SMAD9: variants seen among roughly 807,000 people sequenced by gnomAD.
SMAD9 encodes the protein MAD homolog 9.
A neutral mutation model predicts 46.1 loss-of-function variants in SMAD9; 36 were observed. That is an observed-to-expected ratio of 0.78 (90% CI 0.60 to 1.03). SMAD9 has a LOEUF of 1.03. Among genes scored for constraint, SMAD9 ranks in the 50% least tolerant of loss-of-function variants. The probability of loss-of-function intolerance (pLI) is 0.00; values close to 1 mark genes in which losing one functional copy is unlikely to be tolerated. For missense variants in SMAD9, 572 were observed against 599.8 expected (o/e 0.95, Z 0.48); for synonymous variants, 245 against 237.1 (o/e 1.03, Z -0.31).
chr13:36,907,389 C>T (rs2058627888), intron 1 of SMAD9, among the ~76,000 whole-genome samples: 1 of 152,152 alleles, frequency 6.6e-6, no homozygotes, highest in Non-Finnish European at 1.5e-5. Flanking sequence ...GAAAATGAGG[C>T]CATGTGCGGT....
intron 1 of SMAD9, among the ~76,000 whole-genome samples, chr13:36,912,553 T>G (rs1436691424): frequency 6.6e-6 from 1 of 152,108 alleles, no homozygotes; most frequent in East Asian, 1.9e-4. Context: ...AAGGGTTGGG[T>G]GGGGTTTCCT....
At chr13:36,856,404 C>T (rs1302267169) in intron 5 of SMAD9, among the ~76,000 whole-genome samples, 1 of 152,156 alleles carries the variant, frequency 6.6e-6, no homozygotes, top group Non-Finnish European at 1.5e-5. Flanking sequence ...CATCTGCAAC[C>T]ACAGTCCACT....
intron 1 of SMAD9, among the ~76,000 whole-genome samples, chr13:36,887,210 AGATC>A (rs2058453775): frequency 7.4e-6 from 1 of 135,978 alleles, no homozygotes; most frequent in South Asian, 2.4e-4. Context: ...TGATCTGACT[AGATC>A]TTTTTTTTTT....
intron 1 of SMAD9, among the ~76,000 whole-genome samples, chr13:36,910,729 A>G (rs1438771508): frequency 1.3e-5 from 2 of 152,228 alleles, no homozygotes; most frequent in East Asian, 3.9e-4. Context: ...CCTTCCCTGG[A>G]GGCCCCCAGG....
chr13:36,863,308 T>C (rs1304649233), intron 5 of SMAD9, among the ~76,000 whole-genome samples: 1 of 152,208 alleles, frequency 6.6e-6, no homozygotes, highest in East Asian at 1.9e-4. Context: ...AAAAAATTTT[T>C]TTCCACATTG....
intron 1 of SMAD9, among the ~76,000 whole-genome samples, chr13:36,882,141 C>T (rs1000464288): frequency 1.3e-5 from 2 of 151,222 alleles, no homozygotes; most frequent in African/African-American, 4.9e-5. Flanking sequence ...AACAACAAAA[C>T]AAAACAGACT....
chr13:36,879,716 C>T lies in SMAD9; in HGVS notation c.-27G>A. The T allele has an allele frequency of 6.2e-7, 1 of 1,612,566 alleles. No homozygotes were observed. Among genetic ancestry groups the T allele is most frequent in the African/African-American group, 1.3e-5 (1 of 75,030 alleles). ...AGAGGCCACAGCAGGCTCCGGCGCGCACGGGAACCGCACAGCCCTTCACGG... is the reference window on the plus strand; with the variant it reads ...AGAGGCCACAGCAGGCTCCGGCGCGTACGGGAACCGCACAGCCCTTCACGG... On this transcript the variant is annotated 5_prime_UTR_variant, in exon 2 of 7. Transcript: ENST00000379826.
chr13:36,882,525 A>G (rs887820391), intron 1 of SMAD9, among the ~76,000 whole-genome samples: 1 of 152,140 alleles, frequency 6.6e-6, no homozygotes, highest in South Asian at 2.1e-4. Flanking sequence ...AAATCATTAC[A>G]GTGGTCTCAC....
At position 36,872,756 on chromosome 13, in the gene SMAD9, G is replaced by T; in HGVS notation, c.572C>A (p.Pro191His). Residue 191 changes from proline (P) to histidine (H), a missense_variant, in exon 3 of 7, where the codon CCC becomes CAC. By Grantham distance (77) the Pro-to-His change is moderately conservative (BLOSUM62 -2). Coordinates refer to ENST00000379826, the MANE Select transcript of SMAD9 (RefSeq NM_001127217.3). ...FQQPPCSALP[P>H]SPSHAFSQSP... ...CTGGGAGAACGCGTGGCTGGGTGAG[G>T]GAGGGAGTGCAGAGCACGGAGGCTG... is the stretch of plus-strand genomic sequence containing the variant. 1 of 1,614,074 alleles carries T rather than the reference G, an allele frequency of 6.2e-7. No homozygotes were observed. The highest frequency in any genetic ancestry group is 8.5e-7 in the Non-Finnish European group (1 of 1,180,004).
rs1048817057 is a variant in SMAD9, at chr13:36,847,747, G to A, written c.*929C>T. 6.6e-6 allele frequency: 1 copy of A among 152,242 alleles called. No individual in the cohort carries two copies. The highest frequency in any genetic ancestry group is 2.4e-5 in the African/African-American group (1 of 41,460). 9.4% of individuals were successfully genotyped at this position (152,242 alleles called of 1,614,324 possible). On this transcript the variant is annotated 3_prime_UTR_variant, in exon 7 of 7. Coordinates refer to ENST00000379826, the MANE Select transcript of SMAD9 (RefSeq NM_001127217.3). The stretch of plus-strand genomic sequence containing the variant: ...GGGAAATGAGAAAGTGTAAGTCGAC[G>A]TGTGATGCTTTTCTCCAACCTTTGG...
At chr13:36,920,370 G>C (rs1241028016), upstream of SMAD9, 4 of 150,630 alleles carry the variant, frequency 2.7e-5, no homozygotes, top group East Asian at 7.8e-4. Flanking sequence ...AGGGGGCTGC[G>C]CGGGCCCGGC....
intron 5 of SMAD9, among the ~76,000 whole-genome samples, chr13:36,863,294 CA>C (rs1369096398): frequency 1.3e-5 from 2 of 151,600 alleles, no homozygotes; most frequent in East Asian, 1.9e-4. Context: ...GTGGCATGTC[CA>C]AAAAAAAATT....
chr13:36,900,135 C>A (rs756359118), intron 1 of SMAD9, among the ~76,000 whole-genome samples: 3 of 152,154 alleles, frequency 2.0e-5, no homozygotes, highest in East Asian at 3.9e-4. Context: ...TCCTTACTTT[C>A]CCTCAAACAT....
chr13:36,901,986 G>C (rs9652258), intron 1 of SMAD9, among the ~76,000 whole-genome samples: 26,420 of 152,056 alleles, frequency 0.17, 2,749 homozygotes, highest in Non-Finnish European at 0.24. Flanking sequence ...TTTGATGCAT[G>C]CAAGTTTTTA....
intron 5 of SMAD9, among the ~76,000 whole-genome samples, chr13:36,855,103 A>G (rs1474203312): frequency 6.6e-6 from 1 of 152,028 alleles, no homozygotes; most frequent in Non-Finnish European, 1.5e-5. Context: ...AACATGGTGA[A>G]ACCCTGTCTC....
chr13:36,915,545 AAG>A (rs138874977), intron 1 of SMAD9, among the ~76,000 whole-genome samples: 199 of 150,478 alleles, frequency 1.3e-3, no homozygotes, highest in East Asian at 3.9e-3. Flanking sequence ...GAATGAGACA[AAG>A]AGAGAGAGAG....
intron 1 of SMAD9, among the ~76,000 whole-genome samples, chr13:36,912,110 C>A (rs2058666687): frequency 1.3e-5 from 2 of 152,176 alleles, no homozygotes; most frequent in African/African-American, 4.8e-5. Flanking sequence ...GCATGCAAAC[C>A]ACTTGAATTT....
chr13:36,859,385 G>A (rs1215825315), intron 5 of SMAD9, among the ~76,000 whole-genome samples: 1 of 152,130 alleles, frequency 6.6e-6, no homozygotes, highest in Non-Finnish European at 1.5e-5. Context: ...AGACCTACTG[G>A]GCTGCATTCC....
chr13:36,900,610 AC>A (rs2058566329), intron 1 of SMAD9, among the ~76,000 whole-genome samples: 1 of 145,010 alleles, frequency 6.9e-6, no homozygotes. Flanking sequence ...AACCCCCACC[AC>A]CCCTACCTTA....
Sources: gnomAD v4.1 joint callset for allele counts (sites outside exome capture counted in the v4.1 genomes callset) on GRCh38, gnomAD v4.1.1 for gene constraint, MANE v1.5 for transcripts, NCBI Gene and HGNC (gene_info 2026-07-23, HGNC 2026-07-21) for gene names.